PRKCE: variants seen among roughly 807,000 people sequenced by gnomAD.
The protein encoded by PRKCE is protein kinase C epsilon.
In PRKCE, 16 loss-of-function variants were observed where a neutral mutation model predicts 85.4. The observed-to-expected ratio is 0.19, with a 90% CI of 0.13 to 0.28. The LOEUF is 0.28. PRKCE is among the 10% of genes least tolerant of loss of function. The pLI, the probability that PRKCE is intolerant of heterozygous loss-of-function variation, is 1.00. For synonymous variants in PRKCE, 388 were observed against 371.5 expected (o/e 1.04, Z -0.51); for missense variants, 573 against 975.2 (o/e 0.59, Z 5.49).
intron 11 of PRKCE, among the ~76,000 whole-genome samples, chr2:46,087,988 C>A (rs1669805743): frequency 6.6e-6 from 1 of 152,200 alleles, no homozygotes; most frequent in African/African-American, 2.4e-5. Flanking sequence ...GATAATGTCC[C>A]TTTTGATTAA....
rs1281718170 is a variant in PRKCE, at chr2:46,185,776, T to G, written c.*895T>G. The G allele has an allele frequency of 6.6e-6, 1 of 152,184 alleles. No homozygotes were observed. The highest frequency in any genetic ancestry group is 6.5e-5 in the Admixed American group (1 of 15,282). 9.4% of individuals were successfully genotyped at this position (152,184 alleles called of 1,614,324 possible). A position where few individuals can be genotyped will look rare whatever the true frequency, so the allele number is the denominator to read the frequency against. The stretch of plus-strand genomic sequence containing the variant: ...AAGTAGCATTCTTCATCATTCAAGT[T>G]CTACCTGGACACAAAGGCGAGGACC... On this transcript the variant is annotated 3_prime_UTR_variant, in exon 15 of 15. Coordinates refer to ENST00000306156, the MANE Select transcript of PRKCE (RefSeq NM_005400.3). The surrounding 1 kb of genome is among the most constrained non-coding windows in gnomAD (Gnocchi z 4.7).
intron 1 of PRKCE, among the ~76,000 whole-genome samples, chr2:45,724,501 T>G (rs1680894975): frequency 6.6e-6 from 1 of 152,172 alleles, no homozygotes; most frequent in Non-Finnish European, 1.5e-5. Context: ...AGCTCTCACT[T>G]GAAATCAAAA....
At chr2:45,772,353 C>T (rs1399130481) in intron 1 of PRKCE, among the ~76,000 whole-genome samples, 1 of 151,172 alleles carries the variant, frequency 6.6e-6, no homozygotes, top group Non-Finnish European at 1.5e-5. Context: ...AAACAGAGAG[C>T]AATGGGAAAG....
At chr2:45,771,669 A>T (rs1685339597) in intron 1 of PRKCE, among the ~76,000 whole-genome samples, 1 of 151,472 alleles carries the variant, frequency 6.6e-6, no homozygotes, top group Non-Finnish European at 1.5e-5. Flanking sequence ...TGCCTAAGAT[A>T]CAGGGGACGT....
chr2:45,938,833 T>C (rs10206343), intron 2 of PRKCE, among the ~76,000 whole-genome samples: 29,019 of 152,222 alleles, frequency 0.19, 3,780 homozygotes, highest in East Asian at 0.67. Context: ...GCCCTATTCC[T>C]GATGTATTAG....
intron 1 of PRKCE, among the ~76,000 whole-genome samples, chr2:45,660,184 T>G (rs1675573838): frequency 6.6e-6 from 1 of 152,220 alleles, no homozygotes; most frequent in South Asian, 2.1e-4. Flanking sequence ...TTCCTGCCTC[T>G]GAGGAGCATG....
chr2:46,152,514 G>A (rs187397448), intron 13 of PRKCE, among the ~76,000 whole-genome samples: 22 of 151,820 alleles, frequency 1.4e-4, no homozygotes, highest in Admixed American at 5.2e-4. Context: ...TACCATTATC[G>A]TAGGTAGAAA....
intron 1 of PRKCE, among the ~76,000 whole-genome samples, chr2:45,687,669 G>A (rs1394339374): frequency 6.6e-6 from 1 of 152,176 alleles, no homozygotes; most frequent in Non-Finnish European, 1.5e-5. Flanking sequence ...TATCTGTAAG[G>A]TGGCAATAGG....
At chr2:45,940,837 T>A (rs1699818675) in intron 2 of PRKCE, among the ~76,000 whole-genome samples, 1 of 151,842 alleles carries the variant, frequency 6.6e-6, no homozygotes, top group Non-Finnish European at 1.5e-5. Flanking sequence ...AGCAGGCAGA[T>A]CACTTGAGGT....
chr2:45,691,745 G>T (rs903058194), intron 1 of PRKCE, among the ~76,000 whole-genome samples: 2 of 152,148 alleles, frequency 1.3e-5, no homozygotes, highest in African/African-American at 4.8e-5. Context: ...TAGCTCAGTG[G>T]AACAGAGCCC....
At chr2:45,747,195 A>G (rs568485678) in intron 1 of PRKCE, among the ~76,000 whole-genome samples, 1 of 152,230 alleles carries the variant, frequency 6.6e-6, no homozygotes, top group African/African-American at 2.4e-5. Context: ...AATTAAAAAA[A>G]TTGTGGTAAA....
intron 2 of PRKCE, among the ~76,000 whole-genome samples, chr2:45,863,650 C>G (rs938997587): frequency 1.3e-5 from 2 of 152,092 alleles, no homozygotes; most frequent in African/African-American, 4.8e-5. Context: ...TCCAGTGCCA[C>G]AGATTTAGGA....
chr2:45,861,005 G>C (rs1283253832), intron 2 of PRKCE, among the ~76,000 whole-genome samples: 3 of 152,198 alleles, frequency 2.0e-5, no homozygotes, highest in Admixed American at 6.5e-5. Context: ...GTGTGCTGTT[G>C]CAGTAACACT....
intron 1 of PRKCE, among the ~76,000 whole-genome samples, chr2:45,708,239 G>T (rs1679289138): frequency 1.3e-5 from 2 of 152,186 alleles, no homozygotes; most frequent in African/African-American, 2.4e-5. Flanking sequence ...GAACAAAGCT[G>T]TGAGGTCAGT....
chr2:45,993,882 G>A (rs561746045), intron 6 of PRKCE, among the ~76,000 whole-genome samples: 21 of 152,184 alleles, frequency 1.4e-4, no homozygotes, highest in African/African-American at 5.1e-4. Flanking sequence ...CCATGGCCTG[G>A]CTGCGCTGGA....
At chr2:45,699,108 A>G (rs1165184500) in intron 1 of PRKCE, among the ~76,000 whole-genome samples, 1 of 151,372 alleles carries the variant, frequency 6.6e-6, no homozygotes, top group Admixed American at 6.6e-5. Context: ...CCCATAATAT[A>G]TTTTTTTCCT....
chr2:45,921,346 T>TA (rs201915450), intron 2 of PRKCE, among the ~76,000 whole-genome samples: 1,815 of 152,114 alleles, frequency 0.012, 38 homozygotes, highest in African/African-American at 0.037. Context: ...TAAATTGTTG[T>TA]AAAAAAAACA....
chr2:45,967,513 A>G (rs1376785640), intron 2 of PRKCE, among the ~76,000 whole-genome samples: 5 of 152,204 alleles, frequency 3.3e-5, no homozygotes, highest in Non-Finnish European at 5.9e-5. Context: ...CTTAGGAAGA[A>G]GAACTTCACT....
At chr2:45,897,559 T>C (rs148551255) in intron 2 of PRKCE, among the ~76,000 whole-genome samples, 5 of 152,210 alleles carry the variant, frequency 3.3e-5, no homozygotes, top group African/African-American at 4.8e-5. Context: ...GTATCTTTAG[T>C]GGGGTAAAAG....
Sources: allele counts gnomAD v4.1 joint callset (sites outside exome capture counted in the v4.1 genomes callset), GRCh38; gene constraint gnomAD v4.1.1; non-coding constraint Gnocchi (gnomAD v3.1); transcripts MANE v1.5; gene names NCBI Gene and HGNC (gene_info 2026-07-23, HGNC 2026-07-21).